The following TTC19 variants were observed in gnomAD, a reference collection of about 807,000 sequenced individuals.
The protein encoded by TTC19 is tetratricopeptide repeat protein 19, mitochondrial.
A neutral mutation model predicts 49.5 loss-of-function variants in TTC19; 38 were observed. That is an observed-to-expected ratio of 0.77 (90% CI 0.59 to 1.01). The LOEUF (loss-of-function observed/expected upper bound fraction) is 1.01, where lower values mean the gene tolerates loss of function less well. Ranked by LOEUF, TTC19 falls within the 50% of genes least tolerant of loss-of-function variation. The probability of loss-of-function intolerance (pLI) is 0.00; values close to 1 mark genes in which losing one functional copy is unlikely to be tolerated. For missense variants in TTC19, 475 were observed against 477.7 expected (o/e 0.99, Z 0.05); for synonymous variants, 204 against 185.2 (o/e 1.10, Z -0.83).
intron 2 of TTC19, chr17:16,034,926 T>C: frequency 6.2e-6 from 10 of 1,614,010 alleles, no homozygotes; most frequent in African/African-American, 1.3e-5. Flanking sequence ...GCTGATCAGC[T>C]TTGGTTTGCA....
chr17:16,003,356 TC>T (rs1386949892), intron 4 of TTC19, among the ~76,000 whole-genome samples: 1 of 152,166 alleles, frequency 6.6e-6, no homozygotes, highest in East Asian at 1.9e-4. Context: ...GCTCAGTTGA[TC>T]CTCTCACCTC....
At chr17:16,031,601 T>C, downstream of TTC19, 1 of 221,912 alleles carries the variant, frequency 4.5e-6, no homozygotes, top group Non-Finnish European at 9.0e-6. Context: ...GTGCTACTAA[T>C]GAAAAAAAAA....
intron 7 of TTC19, among the ~76,000 whole-genome samples, chr17:16,014,068 C>G (rs1971148216): frequency 1.3e-5 from 2 of 152,176 alleles, no homozygotes; most frequent in African/African-American, 2.4e-5. Context: ...TTTCCCCATG[C>G]TCCCCTGGTG....
intron 2 of TTC19, among the ~76,000 whole-genome samples, chr17:16,041,490 T>C (rs185369700): frequency 6.9e-6 from 1 of 144,426 alleles, no homozygotes; most frequent in Non-Finnish European, 1.5e-5. Flanking sequence ...CTAGGCTCAC[T>C]GCAACCTCTG....
intron 2 of TTC19, among the ~76,000 whole-genome samples, chr17:16,041,496 C>T (rs1445369428): frequency 6.7e-6 from 1 of 148,962 alleles, no homozygotes; most frequent in Non-Finnish European, 1.5e-5. Context: ...TCACTGCAAC[C>T]TCTGCCTCCT....
intron 2 of TTC19, among the ~76,000 whole-genome samples, chr17:16,041,933 T>TCA (rs1256649570): frequency 6.6e-6 from 1 of 151,988 alleles, no homozygotes; most frequent in Non-Finnish European, 1.5e-5. Context: ...AGATGGGATT[T>TCA]CACCGTGTTA....
At chr17:16,019,653 C>T (rs1971313597) in intron 7 of TTC19, among the ~76,000 whole-genome samples, 1 of 152,196 alleles carries the variant, frequency 6.6e-6, no homozygotes, top group Non-Finnish European at 1.5e-5. Context: ...GGTTCCCTCA[C>T]TACAACCATG....
At chr17:16,032,432 G>C, downstream of TTC19, 2 of 1,613,514 alleles carry the variant, frequency 1.2e-6, no homozygotes, top group South Asian at 2.2e-5. Context: ...TGTTGGTGGA[G>C]TACTGCTGAG....
chr17:16,033,930 A>G (rs1034800632), downstream of TTC19, among the ~76,000 whole-genome samples: 7 of 151,716 alleles, frequency 4.6e-5, no homozygotes, highest in South Asian at 1.2e-3. Flanking sequence ...CTCTGACCTC[A>G]AGTGATCTGC....
chr17:16,030,703 G>C (rs1430158353), downstream of TTC19: 1 of 179,586 alleles, frequency 5.6e-6, no homozygotes, highest in East Asian at 9.3e-5. Context: ...TGAAAGCTTT[G>C]ACTGAAGACA....
At chr17:16,010,097 C>G (rs9904968) in intron 7 of TTC19, among the ~76,000 whole-genome samples, 2 of 150,506 alleles carry the variant, frequency 1.3e-5, no homozygotes, top group Non-Finnish European at 3.0e-5. Flanking sequence ...TAGTACAAAG[C>G]TTAATTTAAG....
chr17:16,004,888 A>C (rs1337023309), intron 6 of TTC19, among the ~76,000 whole-genome samples: 1 of 152,218 alleles, frequency 6.6e-6, no homozygotes, highest in African/African-American at 2.4e-5. Flanking sequence ...CAGGACCTGC[A>C]TAGTCTCCTT....
In TTC19 at chr17:16,000,112, C is replaced by T. The variant is rs1382717257; in HGVS notation, c.185-6C>T. 7 of 1,543,068 alleles carry T rather than the reference C, an allele frequency of 4.5e-6. No homozygotes were observed. In the East Asian group the frequency reaches 7.1e-5, roughly 16 times the overall value. Reference sequence around the variant, plus strand: ...GGCCCGATGACCTCAGAGCCCCTTCCCGCAGCGCTCGCCTGGTTCTCGAGG... The same window carrying T: ...GGCCCGATGACCTCAGAGCCCCTTCTCGCAGCGCTCGCCTGGTTCTCGAGG... On this transcript the variant is annotated splice_region_variant and splice_polypyrimidine_tract_variant and intron_variant, in intron 1 of 9. Coordinates refer to ENST00000261647, the MANE Select transcript of TTC19 (RefSeq NM_017775.4).
intron 2 of TTC19, chr17:16,034,866 A>G: frequency 6.2e-7 from 1 of 1,614,098 alleles, no homozygotes; most frequent in Non-Finnish European, 8.5e-7. Flanking sequence ...TTCCGTTCCT[A>G]AGTAGCCTTG....
chr17:16,006,746 TTGAC>T (rs1396067851), intron 7 of TTC19, among the ~76,000 whole-genome samples, 178 bp downstream of exon 7: 3 of 152,156 alleles, frequency 2.0e-5, no homozygotes, highest in Non-Finnish European at 4.4e-5. Flanking sequence ...TTTAAAATAT[TTGAC>T]TGCTGTTTTG....
chr17:16,039,452 C>A, intron 2 of TTC19: 1 of 1,613,888 alleles, frequency 6.2e-7, no homozygotes, highest in South Asian at 1.1e-5. Context: ...GTGATGGGTC[C>A]CCTTCCTCTC....
In TTC19 at chr17:16,034,947, G is replaced by A. The variant is rs766424098; in HGVS notation, c.247+8245G>A. 7 of 1,613,144 alleles carry A rather than the reference G, an allele frequency of 4.3e-6. No homozygotes were observed. The African/African-American group carries it at 6.7e-5, about 15-fold the overall frequency. The stretch of plus-strand genomic sequence containing the variant: ...CAGCTTTGGTTTGCAAACTCCTCCT[G>A]AAAGTGAAATTCAAGTTAAAGTATT... On this transcript the variant is annotated intron_variant, in intron 2 of 2. Coordinates refer to the TTC19 transcript ENST00000470649.
At chr17:16,003,677 A>G (rs759773027) in intron 4 of TTC19, among the ~76,000 whole-genome samples, 154 bp from the exon 5 acceptor site, 5 of 152,036 alleles carry the variant, frequency 3.3e-5, no homozygotes, top group Non-Finnish European at 5.9e-5. Context: ...TTTCGCTTCA[A>G]AAGGGTACTT....
chr17:16,043,345 G>A (rs552502226), intron 2 of TTC19, among the ~76,000 whole-genome samples: 96 of 152,258 alleles, frequency 6.3e-4, no homozygotes, highest in African/African-American at 2.1e-3. Context: ...GGTGGGCCCA[G>A]GAGCCCACTG....
Sources: gnomAD v4.1 joint callset for allele counts (sites outside exome capture counted in the v4.1 genomes callset) on GRCh38, gnomAD v4.1.1 for gene constraint, MANE v1.5 for transcripts, NCBI Gene and HGNC (gene_info 2026-07-23, HGNC 2026-07-21) for gene names.